Variants in NECAB1 observed in about 807,000 individuals in gnomAD.
NECAB1 encodes N-terminal EF-hand calcium-binding protein 1.
NECAB1 carries 29 observed loss-of-function variants against 57.5 expected under a neutral mutation model. The observed-to-expected ratio is 0.50, with a 90% CI of 0.38 to 0.69. The LOEUF is 0.69. NECAB1 is among the 30% of genes least tolerant of loss of function. The probability of loss-of-function intolerance (pLI) is 0.00; values close to 1 mark genes in which losing one functional copy is unlikely to be tolerated. For synonymous variants in NECAB1, 142 were observed against 147.7 expected (o/e 0.96, Z 0.28); for missense variants, 372 against 413.8 (o/e 0.90, Z 0.88).
intron 3 of NECAB1, among the ~76,000 whole-genome samples, chr8:90,870,889 T>G (rs1225595024): frequency 6.6e-6 from 1 of 152,230 alleles, no homozygotes; most frequent in Non-Finnish European, 1.5e-5. Flanking sequence ...GGAGAACACT[T>G]AACATATTCT....
At chr8:90,940,641 C>G in intron 9 of NECAB1, 145 bp from the exon 10 acceptor site, 1 of 633,246 alleles carries the variant, frequency 1.6e-6, no homozygotes, top group Non-Finnish European at 2.8e-6. Context: ...CAGTTTTATA[C>G]TTGGAATAGT....
intron 2 of NECAB1, among the ~76,000 whole-genome samples, chr8:90,822,532 A>C (rs1465600420): frequency 6.6e-6 from 1 of 151,770 alleles, no homozygotes; most frequent in Non-Finnish European, 1.5e-5. Context: ...ATTTTTTTCT[A>C]ATAAGAGGAT....
At chr8:90,916,207 A>G (rs532517689) in intron 5 of NECAB1, among the ~76,000 whole-genome samples, 24 of 152,194 alleles carry the variant, frequency 1.6e-4, no homozygotes, top group Admixed American at 2.0e-4. Flanking sequence ...ACTTTTTACT[A>G]TTTCAAATTG....
At chr8:90,883,457 T>A (rs1808893397) in intron 5 of NECAB1, among the ~76,000 whole-genome samples, 1 of 152,188 alleles carries the variant, frequency 6.6e-6, no homozygotes, top group African/African-American at 2.4e-5. Flanking sequence ...AAAAGTCCTG[T>A]CTCAGTAGGA....
chr8:90,944,395 G>C (rs1240428432), intron 10 of NECAB1, among the ~76,000 whole-genome samples: 2 of 152,150 alleles, frequency 1.3e-5, no homozygotes, highest in Admixed American at 1.3e-4. Context: ...TTTTTAAAAA[G>C]TTAAGTTAGT....
intron 5 of NECAB1, among the ~76,000 whole-genome samples, chr8:90,897,410 TG>T (rs2129997451): frequency 6.6e-6 from 1 of 152,324 alleles, no homozygotes; most frequent in Non-Finnish European, 1.5e-5. Context: ...GACCCTGCTG[TG>T]GGTATTATAT....
chr8:90,918,691 A>T (rs566789440), intron 6 of NECAB1, among the ~76,000 whole-genome samples: 5 of 152,186 alleles, frequency 3.3e-5, no homozygotes, highest in Admixed American at 6.5e-5. Context: ...GCAGAATGAG[A>T]GTCTCTCTAG....
intron 10 of NECAB1, among the ~76,000 whole-genome samples, chr8:90,943,823 C>A (rs1050321065): frequency 6.6e-6 from 1 of 152,214 alleles, no homozygotes; most frequent in Non-Finnish European, 1.5e-5. Flanking sequence ...ACAATCATGG[C>A]TCACTGCAGC....
chr8:90,807,941 C>A lies in NECAB1; in HGVS notation c.124+6226C>A, dbSNP rs11991316. Among the ~76,000 whole-genome samples the A allele has an allele frequency of 2.0e-5, 3 of 152,042 alleles. No homozygotes were observed. In the East Asian group the frequency reaches 5.8e-4, roughly 29 times the overall value. On this transcript the variant is annotated intron_variant, in intron 2 of 12. Coordinates refer to ENST00000417640, the MANE Select transcript of NECAB1 (RefSeq NM_022351.5). ...CCACTGCAAAATATGTGGGAGAAAC[C>A]CATGAGTGCAAGTTCTGAATGTAAT...
Position 90,956,488 on chromosome 8 carries a change from A to T in NECAB1, c.*976A>T, listed in dbSNP as rs1811034629. 6.6e-6 allele frequency: 1 copy of T among 151,924 alleles called. No individual in the cohort carries two copies. The highest frequency in any genetic ancestry group is 1.5e-5 in the Non-Finnish European group (1 of 67,906). 9.4% of individuals were successfully genotyped at this position (151,924 alleles called of 1,614,324 possible). A position where few individuals can be genotyped will look rare whatever the true frequency, so the allele number is the denominator to read the frequency against. On this transcript the variant is annotated 3_prime_UTR_variant, in exon 13 of 13. Coordinates refer to ENST00000417640, the MANE Select transcript of NECAB1 (RefSeq NM_022351.5). ...GTTTTCGAATTTCAACACTAGAATG[A>T]CTAAAACTATCTACCTATAGAACTA...
In NECAB1 at chr8:90,891,599, A is replaced by AT. The variant is rs976381118; in HGVS notation, c.357+10479dup. Among the ~76,000 whole-genome samples the AT allele has an allele frequency of 2.7e-3, 402 of 149,376 alleles. 4 individuals are homozygous for AT. Among genetic ancestry groups the AT allele is most frequent in the Middle Eastern group, 0.01 (3 of 290 alleles). On this transcript the variant is annotated intron_variant, in intron 5 of 12. Coordinates refer to ENST00000417640, the MANE Select transcript of NECAB1 (RefSeq NM_022351.5). ...TTTAAAAAATGTCATTCTTGATCTG[A>AT]TTTTTTTTTTGGTTGTTGACAGTCA... is the stretch of plus-strand genomic sequence containing the variant.
At chr8:90,810,384 C>T (rs1297030187) in intron 2 of NECAB1, among the ~76,000 whole-genome samples, 1 of 151,958 alleles carries the variant, frequency 6.6e-6, no homozygotes, top group Non-Finnish European at 1.5e-5. Context: ...CTTTAAATGC[C>T]GGAGACTGTG....
intron 3 of NECAB1, among the ~76,000 whole-genome samples, chr8:90,858,582 A>G (rs1016073945): frequency 1.3e-5 from 2 of 152,002 alleles, no homozygotes; most frequent in East Asian, 1.9e-4. Context: ...TCTTATGGTC[A>G]TAGCCAATTA....
chr8:90,844,901 T>C (rs1465091359), intron 3 of NECAB1, among the ~76,000 whole-genome samples: 1 of 152,214 alleles, frequency 6.6e-6, no homozygotes, highest in Non-Finnish European at 1.5e-5. Context: ...CAATAGGATG[T>C]GTATCTATAA....
rs1265960580 is a variant in NECAB1, at chr8:90,958,808, C to T, written c.*3296C>T. 4 of 422,440 alleles carry T rather than the reference C, an allele frequency of 9.5e-6. No individual in the cohort carries two copies. The Middle Eastern group carries it at 1.8e-3, about 189-fold the overall frequency. The allele number at this position is 422,440 out of a possible 1,614,324, so 26.2% of individuals were successfully genotyped here. A position where few individuals can be genotyped will look rare whatever the true frequency, so the allele number is the denominator to read the frequency against. ...TTCCAGTGTTACTTCCCAATTTATG[C>T]AGGAAACCTCCTGCAAAGCTGAAAC... On this transcript the variant is annotated 3_prime_UTR_variant, in exon 13 of 13. Coordinates refer to ENST00000417640, the MANE Select transcript of NECAB1 (RefSeq NM_022351.5).
chr8:90,794,921 A>G (rs144675447), intron 1 of NECAB1, among the ~76,000 whole-genome samples: 3 of 152,312 alleles, frequency 2.0e-5, no homozygotes, highest in Non-Finnish European at 4.4e-5. Context: ...TTCATCATAA[A>G]TACTCTTGAA....
At chr8:90,906,883 A>ATATT (rs1554574057) in intron 5 of NECAB1, among the ~76,000 whole-genome samples, 1 of 80,758 alleles carries the variant, frequency 1.2e-5, no homozygotes, top group Non-Finnish European at 2.4e-5. Flanking sequence ...ACACATATAT[A>ATATT]TATATATATA....
intron 9 of NECAB1, 139 bp downstream of exon 9, chr8:90,934,496 G>T (rs958724039): frequency 3.3e-6 from 2 of 614,400 alleles, no homozygotes; most frequent in African/African-American, 1.9e-5. Context: ...CAGTAGTGTT[G>T]TTTCTACATT....
At chr8:90,827,581 G>A (rs1246181819) in intron 3 of NECAB1, among the ~76,000 whole-genome samples, 2 of 151,960 alleles carry the variant, frequency 1.3e-5, no homozygotes, top group Middle Eastern at 3.2e-3. Context: ...AAAAATTCAA[G>A]TCTTTTTGCT....
Sources: allele counts gnomAD v4.1 joint callset (sites outside exome capture counted in the v4.1 genomes callset), GRCh38; gene constraint gnomAD v4.1.1; transcripts MANE v1.5; gene names NCBI Gene and HGNC (gene_info 2026-07-23, HGNC 2026-07-21).